CWC27: variants seen among roughly 807,000 people sequenced by gnomAD.
CWC27 encodes CWC27 spliceosome associated cyclophilin, also known as spliceosome-associated protein CWC27 homolog.
In CWC27, 47 loss-of-function variants were observed where a neutral mutation model predicts 63.6. That is an observed-to-expected ratio of 0.74 (90% confidence interval 0.58 to 0.94). The LOEUF (loss-of-function observed/expected upper bound fraction) is 0.94. CWC27 is among the 40% of genes least tolerant of loss of function. The pLI, the probability that CWC27 is intolerant of heterozygous loss-of-function variation, is 0.00. For synonymous variants in CWC27, 175 were observed against 179.8 expected (o/e 0.97, Z 0.22); for missense variants, 495 against 554.3 (o/e 0.89, Z 1.07).
chr5:65,004,335 T>G (rs184989571), intron 13 of CWC27, among the ~76,000 whole-genome samples: 41 of 151,892 alleles, frequency 2.7e-4, no homozygotes, highest in Middle Eastern at 3.4e-3. Context: ...TTCCCAGAAT[T>G]CTAGTATTTG....
intron 10 of CWC27, among the ~76,000 whole-genome samples, chr5:64,814,607 A>G (rs962077077): frequency 1.3e-5 from 2 of 152,182 alleles, no homozygotes; most frequent in East Asian, 1.9e-4. Flanking sequence ...ATTATGTCCC[A>G]TAGCTAGAAA....
intron 10 of CWC27, among the ~76,000 whole-genome samples, chr5:64,813,088 A>C (rs1247305221): frequency 6.6e-6 from 1 of 152,180 alleles, no homozygotes; most frequent in Non-Finnish European, 1.5e-5. Context: ...CATTATATTC[A>C]ATTATTTAAA....
intron 12 of CWC27, among the ~76,000 whole-genome samples, chr5:64,973,712 G>A (rs1580758101): frequency 6.6e-6 from 1 of 152,122 alleles, no homozygotes. Flanking sequence ...TAGCCAAGAG[G>A]ATGTTTTTTG....
At chr5:65,000,889 G>T (rs1304745236) in intron 13 of CWC27, among the ~76,000 whole-genome samples, 1 of 151,962 alleles carries the variant, frequency 6.6e-6, no homozygotes, top group Non-Finnish European at 1.5e-5. Flanking sequence ...AATAGGGATT[G>T]CATTGACTCT....
At chr5:64,959,810 T>C (rs1748871939) in intron 11 of CWC27, among the ~76,000 whole-genome samples, 1 of 152,224 alleles carries the variant, frequency 6.6e-6, no homozygotes, top group Non-Finnish European at 1.5e-5. Flanking sequence ...TCTGTTTATT[T>C]GTCCATTCAG....
chr5:64,805,684 T>C (rs773048595), intron 10 of CWC27, among the ~76,000 whole-genome samples: 67 of 152,202 alleles, frequency 4.4e-4, no homozygotes, highest in Middle Eastern at 6.8e-3. Context: ...CTCAGTCTTG[T>C]AGGCTTTAAT....
chr5:64,837,002 G>A (rs570991771), intron 10 of CWC27, among the ~76,000 whole-genome samples: 2 of 152,142 alleles, frequency 1.3e-5, no homozygotes, highest in South Asian at 4.2e-4. Flanking sequence ...AGTTTCAAAA[G>A]GATGGCTTTC....
At chr5:64,772,722 G>C (rs1743309136) in intron 1 of CWC27, among the ~76,000 whole-genome samples, 1 of 148,978 alleles carries the variant, frequency 6.7e-6, no homozygotes, top group Non-Finnish European at 1.5e-5. Flanking sequence ...CGGATCATGA[G>C]ATCAGGAGCT....
At chr5:64,940,128 TTC>T (rs1748444106) in intron 11 of CWC27, among the ~76,000 whole-genome samples, 1 of 152,120 alleles carries the variant, frequency 6.6e-6, no homozygotes, top group Non-Finnish European at 1.5e-5. Flanking sequence ...ATGTGAACAG[TTC>T]TGTCTCACTG....
chr5:64,885,666 T>C, intron 11 of CWC27, 120 bp downstream of exon 11: 1 of 665,306 alleles, frequency 1.5e-6, no homozygotes, highest in Non-Finnish European at 2.6e-6. Flanking sequence ...TCATTTTTTC[T>C]TCCCTCTTTC....
At chr5:64,826,076 A>AATCTGTCTGTCT (rs1554070973) in intron 10 of CWC27, among the ~76,000 whole-genome samples, 26 of 148,436 alleles carry the variant, frequency 1.8e-4, no homozygotes, top group African/African-American at 6.3e-4. Context: ...CTTTGTAATA[A>AATCTGTCTGTCT]ATCTATCTAT....
At chr5:65,007,630 T>C (rs940622799) in intron 13 of CWC27, among the ~76,000 whole-genome samples, 7 of 13,212 alleles carry the variant, frequency 5.3e-4, no homozygotes, top group Non-Finnish European at 5.8e-4. Context: ...CATTTTCTTT[T>C]TTTTTTTTTT....
chr5:64,930,128 A>G (rs1748210555), intron 11 of CWC27, among the ~76,000 whole-genome samples: 1 of 152,230 alleles, frequency 6.6e-6, no homozygotes, highest in African/African-American at 2.4e-5. Context: ...CATGAATTAT[A>G]TGATTCCATT....
intron 7 of CWC27, among the ~76,000 whole-genome samples, chr5:64,790,295 C>T (rs1032391322): frequency 6.6e-6 from 1 of 152,074 alleles, no homozygotes; most frequent in African/African-American, 2.4e-5. Context: ...TTTACAAAAA[C>T]TTCATTTCCC....
At chr5:64,964,179 TGGAC>T (rs1748971497) in intron 11 of CWC27, among the ~76,000 whole-genome samples, 1 of 152,210 alleles carries the variant, frequency 6.6e-6, no homozygotes, top group African/African-American at 2.4e-5. Flanking sequence ...CATTGGTAGA[TGGAC>T]AGAAAAAATT....
intron 10 of CWC27, among the ~76,000 whole-genome samples, chr5:64,813,287 T>C (rs1433612): frequency 0.37 from 56,624 of 151,996 alleles, 11,329 homozygotes; most frequent in East Asian, 0.51. Context: ...TGGACTAAAC[T>C]GTTTCTTGGG....
rs371650835 is a variant in CWC27, at chr5:64,953,355, C to A, written c.1043-18348C>A. 6.3e-4 allele frequency among the ~76,000 whole-genome samples: 96 copies of A among 152,202 alleles called. No individual in the cohort carries two copies. The South Asian group carries it at 0.012, about 20-fold the overall frequency. On this transcript the variant is annotated intron_variant, in intron 11 of 13. Coordinates refer to ENST00000381070, the MANE Select transcript of CWC27 (RefSeq NM_005869.4). ...TCTATATCAGAAAGTAGAGACAAAG[C>A]ATTTGAGACAGACTCAAACCTTCAC...
chr5:64,788,319 GAA>G (rs5868388), intron 6 of CWC27, among the ~76,000 whole-genome samples: 1 of 145,086 alleles, frequency 6.9e-6, no homozygotes, highest in Non-Finnish European at 1.5e-5. Flanking sequence ...TAGGCTTTGG[GAA>G]AAAAAAAAAT....
intron 11 of CWC27, among the ~76,000 whole-genome samples, chr5:64,909,677 C>T (rs1264640428): frequency 6.6e-6 from 1 of 152,094 alleles, no homozygotes; most frequent in East Asian, 1.9e-4. Context: ...CACTTTATTT[C>T]ATTAATTTGA....
Sources: allele counts gnomAD v4.1 joint callset (sites outside exome capture counted in the v4.1 genomes callset), GRCh38; gene constraint gnomAD v4.1.1; transcripts MANE v1.5; gene names NCBI Gene and HGNC (gene_info 2026-07-23, HGNC 2026-07-21).